Variants in SCHIP1 observed in about 807,000 individuals in gnomAD.
SCHIP1 encodes schwannomin interacting protein 1.
A neutral mutation model predicts 29.7 loss-of-function variants in SCHIP1; 8 were observed. That is an observed-to-expected ratio of 0.27 (90% confidence interval 0.16 to 0.49). SCHIP1 has a LOEUF of 0.49. Among genes scored for constraint, SCHIP1 ranks in the 20% least tolerant of loss-of-function variants. The pLI is 0.99. For missense variants in SCHIP1, 193 were observed against 294.6 expected (o/e 0.66, Z 2.52); for synonymous variants, 76 against 94.9 (o/e 0.80, Z 1.16).
intron 2 of SCHIP1, among the ~76,000 whole-genome samples, chr3:159,871,272 C>G (rs1342958747): frequency 6.8e-6 from 1 of 147,042 alleles, no homozygotes. Context: ...GAGCCCTTCC[C>G]TGACCACCCT....
the SCHIP1 span, among the ~76,000 whole-genome samples, chr3:159,679,201 A>C: frequency 6.6e-6 from 1 of 152,202 alleles, no homozygotes; most frequent in Non-Finnish European, 1.5e-5. Flanking sequence ...AATTACTTTA[A>C]AATTTAGAGA....
the SCHIP1 span, among the ~76,000 whole-genome samples, chr3:159,286,932 T>C: frequency 6.6e-6 from 1 of 152,098 alleles, no homozygotes; most frequent in Non-Finnish European, 1.5e-5. Context: ...TTCTGCATGA[T>C]GGTTTGTTTA....
At chr3:159,588,142 C>T in the SCHIP1 span, among the ~76,000 whole-genome samples, 1 of 152,174 alleles carries the variant, frequency 6.6e-6, no homozygotes, top group Non-Finnish European at 1.5e-5. Context: ...TGTTTCCTTA[C>T]TTTTTAATGA....
the SCHIP1 span, among the ~76,000 whole-genome samples, chr3:159,345,021 C>G: frequency 0.74 from 112,524 of 151,962 alleles, 42,335 homozygotes; most frequent in African/African-American, 0.87. Context: ...GGCTGAGGCG[C>G]ATTCAAGACC....
chr3:159,831,999 T>C, the SCHIP1 span, among the ~76,000 whole-genome samples: 10 of 152,174 alleles, frequency 6.6e-5, no homozygotes, highest in Non-Finnish European at 1.3e-4. Flanking sequence ...TTAACACACG[T>C]TTATGAGTTT....
the SCHIP1 span, among the ~76,000 whole-genome samples, chr3:159,592,699 C>T: frequency 6.6e-6 from 1 of 152,074 alleles, no homozygotes; most frequent in Non-Finnish European, 1.5e-5. Flanking sequence ...TTATGGCTCC[C>T]TCTACTTTGT....
chr3:159,459,684 G>A, the SCHIP1 span, among the ~76,000 whole-genome samples: 2 of 152,100 alleles, frequency 1.3e-5, no homozygotes, highest in Non-Finnish European at 2.9e-5. Flanking sequence ...AACTAAAACA[G>A]AATTATTGCT....
At chr3:159,484,140 T>A in the SCHIP1 span, among the ~76,000 whole-genome samples, 1 of 151,866 alleles carries the variant, frequency 6.6e-6, no homozygotes, top group South Asian at 2.1e-4. Context: ...ATCATAGGAG[T>A]TTATACTGTA....
the SCHIP1 span, among the ~76,000 whole-genome samples, chr3:159,412,339 T>C: frequency 6.6e-6 from 1 of 152,210 alleles, no homozygotes; most frequent in South Asian, 2.1e-4. Flanking sequence ...TAGATCCTTT[T>C]GACAGTAGAA....
the SCHIP1 span, among the ~76,000 whole-genome samples, chr3:159,311,954 C>T: frequency 6.6e-6 from 1 of 152,108 alleles, no homozygotes; most frequent in Non-Finnish European, 1.5e-5. Flanking sequence ...CTAGCACTAT[C>T]CCAGGAAAGG....
chr3:159,356,737 G>A, the SCHIP1 span, among the ~76,000 whole-genome samples: 1 of 152,158 alleles, frequency 6.6e-6, no homozygotes, highest in Admixed American at 6.6e-5. Flanking sequence ...AGTAGTTTAG[G>A]CCCTGGGAGG....
At chr3:159,387,424 C>A in the SCHIP1 span, 2 of 324,146 alleles carry the variant, frequency 6.2e-6, no homozygotes, top group Admixed American at 3.5e-5. Flanking sequence ...GGGAGCCACT[C>A]ACCTCTGTCT....
chr3:159,595,616 G>C, the SCHIP1 span, among the ~76,000 whole-genome samples: 2 of 152,060 alleles, frequency 1.3e-5, no homozygotes, highest in African/African-American at 4.8e-5. Context: ...ATGAAAACTA[G>C]ATTTTTAAGA....
At chr3:159,509,889 C>A in the SCHIP1 span, among the ~76,000 whole-genome samples, 1 of 152,170 alleles carries the variant, frequency 6.6e-6, no homozygotes, top group Non-Finnish European at 1.5e-5. Flanking sequence ...TTCTCTCTGG[C>A]TGCCCTTAAC....
chr3:159,437,634 T>A, the SCHIP1 span, among the ~76,000 whole-genome samples: 32 of 148,752 alleles, frequency 2.2e-4, no homozygotes, highest in African/African-American at 3.2e-4. Context: ...ATTCGTCTTT[T>A]AAAAAAAAAA....
At chr3:159,543,940 A>G in the SCHIP1 span, among the ~76,000 whole-genome samples, 2 of 152,152 alleles carry the variant, frequency 1.3e-5, no homozygotes, top group African/African-American at 4.8e-5. Context: ...ATCATACACA[A>G]ACTCATAAAT....
the SCHIP1 span, among the ~76,000 whole-genome samples, chr3:159,613,347 A>G: frequency 6.6e-6 from 1 of 152,232 alleles, no homozygotes; most frequent in Non-Finnish European, 1.5e-5. Context: ...CTTCATTCAG[A>G]GCAATCATAA....
chr3:159,398,566 A>G, the SCHIP1 span, among the ~76,000 whole-genome samples: 1 of 152,206 alleles, frequency 6.6e-6, no homozygotes, highest in African/African-American at 2.4e-5. Flanking sequence ...CCGGGGGAAC[A>G]ATTAGGAGGC....
chr3:159,599,240 G>A, the SCHIP1 span, among the ~76,000 whole-genome samples: 1 of 152,042 alleles, frequency 6.6e-6, no homozygotes, highest in Non-Finnish European at 1.5e-5. Flanking sequence ...GTTGTTTTCT[G>A]GTTGTTTTAT....
Sources: allele counts gnomAD v4.1 joint callset (sites outside exome capture counted in the v4.1 genomes callset), GRCh38; gene constraint gnomAD v4.1.1; transcripts MANE v1.5; gene names NCBI Gene and HGNC (gene_info 2026-07-23, HGNC 2026-07-21).